The following MAP2K5 variants were observed in gnomAD, a reference collection of about 807,000 sequenced individuals.
MAP2K5 encodes the protein dual specificity mitogen-activated protein kinase kinase 5.
MAP2K5 carries 49 observed loss-of-function variants against 83.1 expected under a neutral mutation model. That is an observed-to-expected ratio of 0.59 (90% CI 0.47 to 0.75). The LOEUF is 0.75. Among genes scored for constraint, MAP2K5 ranks in the 30% least tolerant of loss-of-function variants. The probability of loss-of-function intolerance (pLI) is 0.00; values close to 1 mark genes in which losing one functional copy is unlikely to be tolerated. For missense variants in MAP2K5, 457 were observed against 557.5 expected (o/e 0.82, Z 1.82); for synonymous variants, 202 against 191.8 (o/e 1.05, Z -0.44).
Position 67,629,262 on chromosome 15 carries a change from G to A in MAP2K5, c.546-1626G>A, listed in dbSNP as rs184802787. ...GGCAGGGCCTAGCTGCTACAAAGAA[G>A]ACATGTTTTAGACAAATACTCATGT... On this transcript the variant is annotated intron_variant, in intron 8 of 21. Coordinates refer to ENST00000178640, the MANE Select transcript of MAP2K5 (RefSeq NM_145160.3). 2,203 of 590,376 alleles carry A rather than the reference G, an allele frequency of 3.7e-3. 8 individuals are homozygous for A. Among genetic ancestry groups the A allele is most frequent in the Non-Finnish European group, 5.2e-3 (1,647 of 316,604 alleles). 36.6% of individuals were successfully genotyped at this position (590,376 alleles called of 1,614,324 possible).
rs920622987 is a variant in MAP2K5 at position 67,644,229 on chromosome 15, G to A, written c.586-2002G>A. Among the ~76,000 whole-genome samples, 5 of 151,926 alleles carry A rather than the reference G, an allele frequency of 3.3e-5. No homozygotes were observed. Among genetic ancestry groups the A allele is most frequent in the African/African-American group, 7.3e-5 (3 of 41,356 alleles). On this transcript the variant is annotated intron_variant, in intron 9 of 21. Coordinates refer to ENST00000178640, the MANE Select transcript of MAP2K5 (RefSeq NM_145160.3). The surrounding 1 kb of genome is among the most constrained non-coding windows in gnomAD (Gnocchi z 4.6). ...GCCAACATGGTGAAACCCTGTCTGC[G>A]CTAAAAATAGAAAAATCAACCGGGT...
Position 67,729,281 on chromosome 15 carries a change from AT to A in MAP2K5, c.1074+1339del, listed in dbSNP as rs59499364. Among the ~76,000 whole-genome samples, 1,320 of 152,340 alleles carry A rather than the reference AT, an allele frequency of 8.7e-3. 14 individuals carry two copies. The highest frequency in any genetic ancestry group is 0.03 in the African/African-American group (1,259 of 41,570). On this transcript the variant is annotated intron_variant, in intron 17 of 21. Transcript: ENST00000178640. ...ATTTCTAAACAATTCAGCTTGGCCA[AT>A]TTGTGAAATCCCCTAAAATTTTGAA...
rs529125810 is a variant in MAP2K5, at chr15:67,556,864, T to A, written c.185-6419T>A. ...CACTGCTCCCAGCCCTTGTTTTTCTTAATTCTTGCACCATCTTCAGTTTAT... is the reference window on the plus strand; with the variant it reads ...CACTGCTCCCAGCCCTTGTTTTTCTAAATTCTTGCACCATCTTCAGTTTAT... On this transcript the variant is annotated intron_variant, in intron 2 of 21. Coordinates refer to ENST00000178640, the MANE Select transcript of MAP2K5 (RefSeq NM_145160.3). Among the ~76,000 whole-genome samples, 16 of 152,332 alleles carry A rather than the reference T, an allele frequency of 1.1e-4. No homozygotes were observed. The East Asian group carries it at 3.1e-3, about 29-fold the overall frequency.
intron 16 of MAP2K5, among the ~76,000 whole-genome samples, chr15:67,727,170 A>G (rs2089116092): frequency 6.6e-6 from 1 of 152,228 alleles, no homozygotes; most frequent in South Asian, 2.1e-4. Context: ...ACTGCACTCC[A>G]GTCTGGGTGA....
rs1428912982 is a variant in MAP2K5, at chr15:67,793,291, A to AT, written c.1243-13355_1243-13354insT. Among the ~76,000 whole-genome samples the AT allele has an allele frequency of 1.3e-5, 2 of 152,140 alleles. No homozygotes were observed. The highest frequency in any genetic ancestry group is 4.8e-5 in the African/African-American group (2 of 41,418). On this transcript the variant is annotated intron_variant, in intron 21 of 21. Transcript: ENST00000178640. The surrounding 1 kb of genome is among the most constrained non-coding windows in gnomAD (Gnocchi z 4.6). ...TGTGAGACCTCATCTCTAAAAAAAA[A>AT]CAAAAAATTCTTTAGCTCATTATTA...
intron 13 of MAP2K5, chr15:67,679,941 C>G (rs956429233): frequency 1.3e-5 from 2 of 152,044 alleles, no homozygotes; most frequent in Non-Finnish European, 2.9e-5. Context: ...TTTTCATCAC[C>G]CCAAAAAAGT....
intron 12 of MAP2K5, among the ~76,000 whole-genome samples, chr15:67,660,097 C>T (rs534161675): frequency 6.6e-6 from 1 of 151,958 alleles, no homozygotes; most frequent in African/African-American, 2.4e-5. Context: ...AGGGGTTTTC[C>T]CCCCTAAATA....
intron 17 of MAP2K5, among the ~76,000 whole-genome samples, chr15:67,734,382 A>G (rs767287127): frequency 4.6e-5 from 7 of 152,168 alleles, no homozygotes; most frequent in Non-Finnish European, 7.4e-5. Flanking sequence ...GTTTTTTTCA[A>G]TTGACAGACT....
At chr15:67,655,880 T>C (rs2087061258) in intron 11 of MAP2K5, among the ~76,000 whole-genome samples, 1 of 152,214 alleles carries the variant, frequency 6.6e-6, no homozygotes. Flanking sequence ...ATTTTACAGG[T>C]CTCCGAGAAT....
intron 15 of MAP2K5, among the ~76,000 whole-genome samples, chr15:67,697,711 A>G (rs1169190813): frequency 6.6e-6 from 1 of 152,256 alleles, no homozygotes; most frequent in Non-Finnish European, 1.5e-5. Flanking sequence ...GTTTCAAGGT[A>G]TAGACAGCCC....
Position 67,677,096 on chromosome 15 carries a change from G to A in MAP2K5, c.847+12451G>A, listed in dbSNP as rs140026096. On this transcript the variant is annotated intron_variant, in intron 13 of 21. Coordinates refer to ENST00000178640, the MANE Select transcript of MAP2K5 (RefSeq NM_145160.3). The surrounding 1 kb of genome is among the most constrained non-coding windows in gnomAD (Gnocchi z 4.2). Reference sequence around the variant, plus strand: ...TCCTTTTCTTAGAAAATTAGCCTGTGAGTATAAAGAACTTAAAACATCTGG... The same window carrying A: ...TCCTTTTCTTAGAAAATTAGCCTGTAAGTATAAAGAACTTAAAACATCTGG... 6.6e-6 allele frequency among the ~76,000 whole-genome samples: 1 copy of A among 152,278 alleles called. No homozygotes were observed. The highest frequency in any genetic ancestry group is 1.9e-4 in the East Asian group (1 of 5,190).
intron 15 of MAP2K5, among the ~76,000 whole-genome samples, chr15:67,701,662 G>A (rs796120832): frequency 5.3e-5 from 8 of 152,300 alleles, no homozygotes; most frequent in African/African-American, 1.9e-4. Flanking sequence ...CTGGAGCTAA[G>A]TGTACCAAAG....
chr15:67,625,103 C>T (rs1330388910), intron 8 of MAP2K5, among the ~76,000 whole-genome samples: 1 of 152,172 alleles, frequency 6.6e-6, no homozygotes. Context: ...TTTCTACTAG[C>T]TCAATAAATT....
In MAP2K5 at chr15:67,586,701, A is replaced by G. The variant is rs893474515; in HGVS notation, c.364-145A>G. ...GGTTATACGGTTTTGTAACCTATAT[A>G]CTGAATAGACTCCAACTGTGGGTTT... On this transcript the variant is annotated intron_variant, in intron 5 of 21. Transcript: ENST00000178640. The G allele has an allele frequency of 3.0e-4, 222 of 741,034 alleles. 1 individual carries two copies. The highest frequency in any genetic ancestry group is 3.5e-4 in the Middle Eastern group (1 of 2,846). The allele number at this position is 741,034 out of a possible 1,614,324, so 45.9% of individuals were successfully genotyped here.
chr15:67,569,858 C>T (rs1427763124), intron 3 of MAP2K5, among the ~76,000 whole-genome samples: 1 of 152,184 alleles, frequency 6.6e-6, no homozygotes. Flanking sequence ...TCCGCTTAGC[C>T]TATTTATAAC....
At position 67,782,863 on chromosome 15, in the gene MAP2K5, G is replaced by A. The variant is rs1596966164; in HGVS notation, c.1242+10111G>A. Among the ~76,000 whole-genome samples, 2 of 152,220 alleles carry A rather than the reference G, an allele frequency of 1.3e-5. No individual in the cohort carries two copies. Among genetic ancestry groups the A allele is most frequent in the East Asian group, 3.9e-4 (2 of 5,188 alleles). On this transcript the variant is annotated intron_variant, in intron 21 of 21. Coordinates refer to ENST00000178640, the MANE Select transcript of MAP2K5 (RefSeq NM_145160.3). This position sits in a 1 kb window ranked among gnomAD's most constrained non-coding sequence, Gnocchi z 4.9. Reference sequence around the variant, plus strand: ...AGCTTTCCTCCCGTCAGGGAGGTCAGCAGAGCTTCGGCTGGGCGCTGTCTC... The same window carrying A: ...AGCTTTCCTCCCGTCAGGGAGGTCAACAGAGCTTCGGCTGGGCGCTGTCTC...
rs1706220125 is a variant in MAP2K5, at chr15:67,668,862, T to C, written c.847+4217T>C. 6.6e-6 allele frequency among the ~76,000 whole-genome samples: 1 copy of C among 152,166 alleles called. No individual in the cohort carries two copies. ...ATAGTTGGTGTGCCAGGAGTTTTTTTGTATATATGAACCTGGTTAGTTTCA... is the reference window on the plus strand; with the variant it reads ...ATAGTTGGTGTGCCAGGAGTTTTTTCGTATATATGAACCTGGTTAGTTTCA... On this transcript the variant is annotated intron_variant, in intron 13 of 21. Transcript: ENST00000178640. The surrounding 1 kb of genome is among the most constrained non-coding windows in gnomAD (Gnocchi z 4.0).
In MAP2K5 at chr15:67,565,189, C is replaced by T. The variant is rs189250505; in HGVS notation, c.252+1839C>T. Reference sequence around the variant, plus strand: ...TTACTGTTTTACACTGTCTCTCCCCCACCTTCCTCTTTGCAGGATTTTTTT... The same window carrying T: ...TTACTGTTTTACACTGTCTCTCCCCTACCTTCCTCTTTGCAGGATTTTTTT... On this transcript the variant is annotated intron_variant, in intron 3 of 21. Transcript: ENST00000178640. This position sits in a 1 kb window ranked among gnomAD's most constrained non-coding sequence, Gnocchi z 4.1. Among the ~76,000 whole-genome samples, 1,088 of 152,242 alleles carry T rather than the reference C, an allele frequency of 7.1e-3. 16 individuals carry two copies. Among genetic ancestry groups the T allele is most frequent in the Non-Finnish European group, 7.0e-3 (473 of 67,998 alleles).
At chr15:67,711,671 G>A (rs550038587) in intron 16 of MAP2K5, among the ~76,000 whole-genome samples, 1 of 150,886 alleles carries the variant, frequency 6.6e-6, no homozygotes. Flanking sequence ...AGGCGTGCAC[G>A]CACACACACA....
Sources: allele counts gnomAD v4.1 joint callset (sites outside exome capture counted in the v4.1 genomes callset), GRCh38; gene constraint gnomAD v4.1.1; non-coding constraint Gnocchi (gnomAD v3.1); transcripts MANE v1.5; gene names NCBI Gene and HGNC (gene_info 2026-07-23, HGNC 2026-07-21).